The following TMEM38A variants were observed in gnomAD, a reference collection of about 807,000 sequenced individuals.
TMEM38A encodes transmembrane protein 38A.
TMEM38A carries 17 observed loss-of-function variants against 28.6 expected under a neutral mutation model. That is an observed-to-expected ratio of 0.60 (90% CI 0.41 to 0.89). The LOEUF (loss-of-function observed/expected upper bound fraction) is 0.89, where lower values mean the gene tolerates loss of function less well. Ranked by LOEUF, TMEM38A falls within the 40% of genes least tolerant of loss-of-function variation. TMEM38A has a pLI of 0.00. For missense variants in TMEM38A, 328 were observed against 393.1 expected (o/e 0.83, Z 1.40); for synonymous variants, 169 against 166.1 (o/e 1.02, Z -0.14).
chr19:16,672,410 G>A (rs2086731352), intron 1 of TMEM38A, among the ~76,000 whole-genome samples: 1 of 149,386 alleles, frequency 6.7e-6, no homozygotes, highest in South Asian at 2.1e-4. Flanking sequence ...ACTAACGATA[G>A]CTGATGAGCT....
chr19:16,684,712 T>C, intron 4 of TMEM38A, among the ~76,000 whole-genome samples: 1 of 152,004 alleles, frequency 6.6e-6, no homozygotes, highest in East Asian at 1.9e-4. Flanking sequence ...GCAAAGCCAT[T>C]ATATTCAGGG....
intron 4 of TMEM38A, 120 bp downstream of exon 4, chr19:16,682,628 T>G (rs1232603740): frequency 1.2e-6 from 1 of 836,350 alleles, no homozygotes; most frequent in East Asian, 2.6e-5. Flanking sequence ...TTTCAGGAGC[T>G]TTCAGAGGCT....
At chr19:16,684,836 C>T (rs1049763965) in intron 4 of TMEM38A, among the ~76,000 whole-genome samples, 14 of 133,470 alleles carry the variant, frequency 1.0e-4, no homozygotes, top group Non-Finnish European at 2.2e-4. Context: ...GCCAGGAGTT[C>T]AAGACCAGCC....
chr19:16,681,319 TG>T (rs1214736339), intron 3 of TMEM38A, among the ~76,000 whole-genome samples: 1 of 151,866 alleles, frequency 6.6e-6, no homozygotes, highest in Non-Finnish European at 1.5e-5. Flanking sequence ...AAAGTAATAA[TG>T]AAAATGTTAT....
chr19:16,661,230 T>C lies in TMEM38A; in HGVS notation c.13T>C (p.Ser5Pro). The C allele has an allele frequency of 6.4e-7, 1 of 1,566,362 alleles. No individual in the cohort carries two copies. Among genetic ancestry groups the C allele is most frequent in the South Asian group, 1.2e-5 (1 of 86,198 alleles). Reference protein sequence around the residue: MELLSALSLGELALS... With the variant: MELLPALSLGELALS... ...GCAGGCGGGCGCCATGGAGCTGCTCTCGGCGCTGAGCCTGGGCGAACTGGC... is the reference window on the plus strand; with the variant it reads ...GCAGGCGGGCGCCATGGAGCTGCTCCCGGCGCTGAGCCTGGGCGAACTGGC... The change falls in exon 1 of 6, where the codon TCG (serine) becomes CCG (proline). Residue 5 changes from serine to proline, a missense_variant. By Grantham distance (74) the Ser-to-Pro change is moderately conservative (BLOSUM62 -1). Transcript: ENST00000187762. This position sits in a 1 kb window ranked among gnomAD's most constrained non-coding sequence, Gnocchi z 6.5.
At chr19:16,673,608 T>G (rs1160604866) in intron 1 of TMEM38A, among the ~76,000 whole-genome samples, 1 of 152,178 alleles carries the variant, frequency 6.6e-6, no homozygotes, top group African/African-American at 2.4e-5. Flanking sequence ...CCAAGTTGCC[T>G]CTAACATGGT....
At chr19:16,662,621 T>C (rs907563032) in intron 1 of TMEM38A, among the ~76,000 whole-genome samples, 8 of 151,852 alleles carry the variant, frequency 5.3e-5, no homozygotes, top group Non-Finnish European at 8.8e-5. Context: ...ACTTGGCTAA[T>C]TTTTGTATTT....
chr19:16,684,054 C>G (rs1244163881), intron 4 of TMEM38A, among the ~76,000 whole-genome samples: 1 of 151,460 alleles, frequency 6.6e-6, no homozygotes, highest in Non-Finnish European at 1.5e-5. Context: ...CGGTTGAACC[C>G]GGGAGGCAGA....
intron 1 of TMEM38A, among the ~76,000 whole-genome samples, chr19:16,662,063 T>A (rs2086684368): frequency 6.6e-6 from 1 of 152,150 alleles, no homozygotes; most frequent in Non-Finnish European, 1.5e-5. Context: ...AAAATGAGGA[T>A]GAATGGCTTC....
intron 3 of TMEM38A, 114 bp downstream of exon 3, chr19:16,680,695 C>A: frequency 9.6e-7 from 1 of 1,039,690 alleles, no homozygotes; most frequent in Non-Finnish European, 1.4e-6. Flanking sequence ...GGCATAAAGA[C>A]TGCAGTAGGT....
At chr19:16,683,613 G>T (rs939188392) in intron 4 of TMEM38A, among the ~76,000 whole-genome samples, 3 of 136,480 alleles carry the variant, frequency 2.2e-5, no homozygotes, top group Non-Finnish European at 4.6e-5. Context: ...AAAAAAAAAG[G>T]GATCATGCAT....
At position 16,679,181 on chromosome 19, in the gene TMEM38A, A is replaced by AG. The variant is rs1227147754; in HGVS notation, c.125-803_125-802insG. 4.0e-3 allele frequency among the ~76,000 whole-genome samples: 522 copies of AG among 130,946 alleles called. 24 individuals carry two copies. The highest frequency in any genetic ancestry group is 0.02 in the African/African-American group (487 of 24,678). The allele number at this position is 130,946 out of a possible 152,430, so 85.9% of individuals were successfully genotyped here. A position where few individuals can be genotyped will look rare whatever the true frequency, so the allele number is the denominator to read the frequency against. ...CAAAAAAAGTTAAAAAAAAAAAAAAAAAAGAATACCAGCATAAGCTCATAG... is the reference window on the plus strand; with the variant it reads ...CAAAAAAAGTTAAAAAAAAAAAAAAAGAAAGAATACCAGCATAAGCTCATAG... On this transcript the variant is annotated intron_variant, in intron 1 of 5. Coordinates refer to ENST00000187762, the MANE Select transcript of TMEM38A (RefSeq NM_024074.4).
chr19:16,685,373 G>A (rs891715171), intron 4 of TMEM38A, among the ~76,000 whole-genome samples: 2 of 152,116 alleles, frequency 1.3e-5, no homozygotes, highest in African/African-American at 4.8e-5. Context: ...GTGACAGAAT[G>A]AGACTCTGAC....
At chr19:16,671,277 C>T (rs1164841509) in intron 1 of TMEM38A, among the ~76,000 whole-genome samples, 2 of 142,278 alleles carry the variant, frequency 1.4e-5, no homozygotes, top group African/African-American at 2.7e-5. Flanking sequence ...ACGATCTTGG[C>T]TCACTGCAAT....
chr19:16,687,246 C>T (rs981208022), intron 5 of TMEM38A, among the ~76,000 whole-genome samples: 1 of 151,914 alleles, frequency 6.6e-6, no homozygotes, highest in Non-Finnish European at 1.5e-5. Context: ...GCAGGAGAAT[C>T]GCTTGAACCC....
Position 16,663,552 on chromosome 19 carries a change from G to A in TMEM38A, c.124+2211G>A, listed in dbSNP as rs181775691. 3.2e-3 allele frequency among the ~76,000 whole-genome samples: 476 copies of A among 149,226 alleles called. 6 individuals carry two copies. Among genetic ancestry groups the A allele is most frequent in the African/African-American group, 0.011 (454 of 40,618 alleles). The stretch of plus-strand genomic sequence containing the variant: ...TTCTTTTCTTTTTTTTTTTTGAAAC[G>A]GAGTCTCGCTCTGTCGCCCAGGCTG... On this transcript the variant is annotated intron_variant, in intron 1 of 5. Coordinates refer to ENST00000187762, the MANE Select transcript of TMEM38A (RefSeq NM_024074.4).
At chr19:16,664,817 C>T (rs556788501) in intron 1 of TMEM38A, among the ~76,000 whole-genome samples, 11 of 150,724 alleles carry the variant, frequency 7.3e-5, no homozygotes, top group African/African-American at 2.4e-4. Flanking sequence ...ATCACCCCAC[C>T]GCCCTCCAGC....
At chr19:16,668,070 G>T (rs537109092) in intron 1 of TMEM38A, among the ~76,000 whole-genome samples, 1 of 151,446 alleles carries the variant, frequency 6.6e-6, no homozygotes, top group African/African-American at 2.4e-5. Flanking sequence ...TTAGCCAGGC[G>T]TGATGGCGGG....
intron 4 of TMEM38A, among the ~76,000 whole-genome samples, chr19:16,683,592 C>CAAAA (rs558424228): frequency 0.021 from 1,690 of 80,842 alleles, 47 homozygotes; most frequent in Admixed American, 0.092. Flanking sequence ...GACCTTGTCT[C>CAAAA]AAAAAAAAAA....
Sources: gnomAD v4.1 joint callset for allele counts (sites outside exome capture counted in the v4.1 genomes callset) on GRCh38, gnomAD v4.1.1 for gene constraint, Gnocchi (gnomAD v3.1) non-coding constraint, MANE v1.5 for transcripts, NCBI Gene and HGNC (gene_info 2026-07-23, HGNC 2026-07-21) for gene names.